The following CPAMD8 variants were observed in gnomAD, a reference collection of about 807,000 sequenced individuals.
CPAMD8 encodes the protein C3 and PZP like alpha-2-macroglobulin domain containing 8, also known as C3 and PZP-like alpha-2-macroglobulin domain-containing protein 8.
In CPAMD8, 146 loss-of-function variants were observed where a neutral mutation model predicts 224.7. That is an observed-to-expected ratio of 0.65 (90% CI 0.57 to 0.75). The LOEUF (loss-of-function observed/expected upper bound fraction) is 0.75, where lower values mean the gene tolerates loss of function less well. Among genes scored for constraint, CPAMD8 ranks in the 30% least tolerant of loss-of-function variants. The probability of loss-of-function intolerance (pLI) is 0.00; values close to 1 mark genes in which losing one functional copy is unlikely to be tolerated. For synonymous variants in CPAMD8, 966 were observed against 1,044.6 expected, an observed-to-expected ratio of 0.92 and a Z score of 1.45; for missense variants, 2,301 against 2,537.5, an observed-to-expected ratio of 0.91 and a Z score of 2.00.
chr19:16,964,976 T>C (rs1418356504), intron 18 of CPAMD8, among the ~76,000 whole-genome samples: 1 of 152,054 alleles, frequency 6.6e-6, no homozygotes, highest in Non-Finnish European at 1.5e-5. Context: ...AAAAAGGTCT[T>C]CGGGCTGGGC....
intron 30 of CPAMD8, among the ~76,000 whole-genome samples, chr19:16,904,801 C>T (rs758808249): frequency 5.3e-5 from 8 of 152,218 alleles, no homozygotes; most frequent in Non-Finnish European, 2.9e-5. Context: ...CCAACCTTAC[C>T]CCTGGCAGAC....
At chr19:17,005,241 G>A (rs2056454538) in intron 7 of CPAMD8, among the ~76,000 whole-genome samples, 1 of 152,138 alleles carries the variant, frequency 6.6e-6, no homozygotes, top group South Asian at 2.1e-4. Context: ...AAATCCCAGA[G>A]CACTGAGGGG....
Position 16,897,706 on chromosome 19 carries a change from G to A in CPAMD8, c.5050C>T (p.Pro1684Ser), listed in dbSNP as rs1488951511. The change falls in exon 39 of 42, where the codon CCT (proline) becomes TCT (serine). Residue 1684 changes from proline (P) to serine (S), a missense_variant. Physicochemically the swap from Pro to Ser is moderately conservative, Grantham distance 74 (BLOSUM62 -1). Around this residue, in one of 4 missense-constraint regions of CPAMD8, gnomAD observed 1,709 missense variants for 1,753.2 expected, o/e 0.97. Transcript: ENST00000443236. ...GPACNEVERA[P>S]ARGPGWFPGE... The stretch of plus-strand genomic sequence containing the variant: ...GCGCACTCACCCGGGCCCCGGGCAG[G>A]GGCGCGCTCCACTTCGTTGCACGCG... The A allele has an allele frequency of 1.6e-5, 24 of 1,543,174 alleles. No homozygotes were observed. Among genetic ancestry groups the A allele is most frequent in the Non-Finnish European group, 2.1e-5 (24 of 1,143,514 alleles).
chr19:16,970,010 G>A (rs547817732), intron 18 of CPAMD8, among the ~76,000 whole-genome samples: 123 of 150,150 alleles, frequency 8.2e-4, no homozygotes, highest in African/African-American at 2.9e-3. Context: ...CAAGGTGGGC[G>A]AATCACAAGG....
intron 19 of CPAMD8, among the ~76,000 whole-genome samples, chr19:16,954,269 G>T (rs2054390679): frequency 6.6e-6 from 1 of 151,594 alleles, no homozygotes; most frequent in Non-Finnish European, 1.5e-5. Context: ...GGAGGCGGAG[G>T]GTGCAGTGAG....
intron 23 of CPAMD8, among the ~76,000 whole-genome samples, chr19:16,937,713 C>A (rs1006606291): frequency 7.0e-6 from 1 of 142,990 alleles, no homozygotes; most frequent in Non-Finnish European, 1.5e-5. Context: ...AGTGCAATGG[C>A]GTGATCTCGG....
chr19:16,995,487 C>T (rs540368627), intron 11 of CPAMD8, among the ~76,000 whole-genome samples: 236 of 152,274 alleles, frequency 1.5e-3, no homozygotes, highest in African/African-American at 5.3e-3. Context: ...CTGCAACCTC[C>T]GCCTCCAGGT....
intron 21 of CPAMD8, 36 bp from the exon 22 acceptor site, chr19:16,945,715 CT>C (rs1274630887): frequency 5.0e-6 from 8 of 1,610,486 alleles, no homozygotes; most frequent in Non-Finnish European, 6.8e-6. Flanking sequence ...CAGAACAGGT[CT>C]CCACCCAAGA....
In CPAMD8 at chr19:16,896,557, C is replaced by A. The variant is rs1451644217; in HGVS notation, c.5174G>T (p.Gly1725Val). 6 of 1,506,958 alleles carry A rather than the reference C, an allele frequency of 4.0e-6. No homozygotes were observed. The Admixed American group carries it at 1.2e-4, about 31-fold the overall frequency. 93.3% of individuals were successfully genotyped at this position (1,506,958 alleles called of 1,614,324 possible). The change falls in exon 40 of 42, where the codon GGC becomes GTC. Residue 1725 changes from glycine to valine, a missense_variant. Physicochemically the swap from Gly to Val is moderately radical, Grantham distance 109. This residue lies in a region of CPAMD8 where 1,709 missense variants were observed against 1,753.2 expected (regional missense o/e 0.97). Coordinates refer to ENST00000443236, the MANE Select transcript of CPAMD8 (RefSeq NM_015692.5). The part of the protein sequence containing the change: ...DCGAQGNPVC[G>V]SDGVVYASAC... ...GCTGGCGTAGACCACCCCGTCGGAGCCGCACACCGGGTTCCCCTGGGCGCC... is the reference window on the plus strand; with the variant it reads ...GCTGGCGTAGACCACCCCGTCGGAGACGCACACCGGGTTCCCCTGGGCGCC...
intron 18 of CPAMD8, among the ~76,000 whole-genome samples, chr19:16,958,925 G>A (rs554054594): frequency 4.7e-5 from 7 of 149,856 alleles, no homozygotes; most frequent in Middle Eastern, 3.5e-3. Context: ...TCAGCCTCCC[G>A]AGTAGCTAGG....
chr19:16,952,590 T>G (rs2122377866), intron 19 of CPAMD8, among the ~76,000 whole-genome samples: 1 of 152,332 alleles, frequency 6.6e-6, no homozygotes, highest in South Asian at 2.1e-4. Flanking sequence ...AGTGGGGGAT[T>G]CACTTGAGCC....
Position 16,928,188 on chromosome 19 carries a change from C to G in CPAMD8, c.3191G>C (p.Trp1064Ser). The change falls in exon 25 of 42, where the codon TGG (tryptophan) becomes TCG (serine). Residue 1064 changes from tryptophan (W) to serine (S), a missense_variant. By Grantham distance (177) the Trp-to-Ser change is radical. Around this residue, in one of 4 missense-constraint regions of CPAMD8, gnomAD observed 1,709 missense variants for 1,753.2 expected, o/e 0.97. Coordinates refer to ENST00000443236, the MANE Select transcript of CPAMD8 (RefSeq NM_015692.5). ...EPSNESVIVA[W>S]TLPRPPEVQF... ...GACCTCTGGTGGCCTCGGGAGGGTC[C>G]AGGCCACAATGACAGACTCATTGGA... 1.9e-6 allele frequency: 3 copies of G among 1,614,108 alleles called. No individual in the cohort carries two copies. Among genetic ancestry groups the G allele is most frequent in the Non-Finnish European group, 2.5e-6 (3 of 1,180,038 alleles).
intron 9 of CPAMD8, among the ~76,000 whole-genome samples, 158 bp downstream of exon 9, chr19:17,002,108 G>A (rs1214676879): frequency 6.6e-6 from 1 of 151,630 alleles, no homozygotes; most frequent in African/African-American, 2.4e-5. Flanking sequence ...ACTAGGGGAG[G>A]GGCACACCCC....
intron 13 of CPAMD8, 58 bp from the exon 14 acceptor site, chr19:16,980,744 C>T (rs772393738): frequency 2.6e-4 from 365 of 1,388,280 alleles, no homozygotes; most frequent in Non-Finnish European, 3.4e-4. Flanking sequence ...CAACCCACCA[C>T]AGGAAGACGG....
chr19:16,936,751 T>C (rs2053696905), intron 23 of CPAMD8, among the ~76,000 whole-genome samples: 1 of 152,206 alleles, frequency 6.6e-6, no homozygotes, highest in Non-Finnish European at 1.5e-5. Flanking sequence ...ACTACTGAAT[T>C]GGAGACTTCA....
intron 41 of CPAMD8, chr19:16,894,518 T>C: frequency 2.2e-6 from 1 of 454,734 alleles, no homozygotes; most frequent in Admixed American, 2.4e-5. Flanking sequence ...TGAACCCAAC[T>C]CCACGGGGCT....
intron 22 of CPAMD8, among the ~76,000 whole-genome samples, chr19:16,943,818 G>A (rs765057677): frequency 1.3e-5 from 2 of 152,058 alleles, no homozygotes; most frequent in Non-Finnish European, 2.9e-5. Flanking sequence ...ACCATCCAAC[G>A]CTTCCATCCG....
Position 16,905,536 on chromosome 19 carries a change from G to A in CPAMD8, c.4028-984C>T, listed in dbSNP as rs1432260719. Among the ~76,000 whole-genome samples, 12 of 52,088 alleles carry A rather than the reference G, an allele frequency of 2.3e-4. No individual in the cohort carries two copies. In the East Asian group the frequency reaches 4.1e-3, roughly 18 times the overall value. The allele number at this position is 52,088 out of a possible 152,430, so 34.2% of individuals were successfully genotyped here. Reference sequence around the variant, plus strand: ...GCCTGGGCAACAAGAGCGAAACTCCGTTTCAAAAAAAAAAAAAAAAAAAGG... The same window carrying A: ...GCCTGGGCAACAAGAGCGAAACTCCATTTCAAAAAAAAAAAAAAAAAAAGG... On this transcript the variant is annotated intron_variant, in intron 30 of 41. Transcript: ENST00000443236.
In CPAMD8 at chr19:16,925,153, C is replaced by T. The variant is rs1555765731; in HGVS notation, c.3547+43G>A. On this transcript the variant is annotated intron_variant, in intron 26 of 41. Coordinates refer to ENST00000443236, the MANE Select transcript of CPAMD8 (RefSeq NM_015692.5). ...CTTCTCCACTGAAGGCTGAACCTGC[C>T]TCCCTTGCTCCCACCTCAACCCAGG... 2.5e-6 allele frequency: 4 copies of T among 1,604,606 alleles called. No individual in the cohort carries two copies. In the South Asian group the frequency reaches 4.4e-5, roughly 18 times the overall value.
Sources: allele counts gnomAD v4.1 joint callset (sites outside exome capture counted in the v4.1 genomes callset), GRCh38; gene constraint gnomAD v4.1.1; regional missense constraint gnomAD v4.1.1; transcripts MANE v1.5; gene names NCBI Gene and HGNC (gene_info 2026-07-23, HGNC 2026-07-21).